Variants in USH1C observed in about 807,000 individuals in gnomAD.
The protein encoded by USH1C is harmonin.
Under a neutral mutation model 119.3 loss-of-function variants are expected in USH1C, and 90 were observed. That is an observed-to-expected ratio of 0.75 (90% CI 0.64 to 0.90). USH1C has a LOEUF of 0.90. Among genes scored for constraint, USH1C ranks in the 40% least tolerant of loss-of-function variants. USH1C has a pLI of 0.00. For missense variants in USH1C, 1,165 were observed against 1,167.7 expected, an observed-to-expected ratio of 1.00 and a Z score of 0.03; for synonymous variants, 465 against 443.3, an observed-to-expected ratio of 1.05 and a Z score of -0.62.
At chr11:17,494,504 A>C in intron 26 of USH1C, 128 bp from the exon 27 acceptor site, 1 of 1,075,854 alleles carries the variant, frequency 9.3e-7, no homozygotes. Flanking sequence ...CCCTTTGGAG[A>C]CCCCTCTGGG....
At chr11:17,517,462 A>G (rs1273707643) in intron 14 of USH1C, 1 of 1,593,430 alleles carries the variant, frequency 6.3e-7, no homozygotes, top group South Asian at 1.1e-5. Context: ...CTCAGGTTCC[A>G]CTCCCTGATC....
At chr11:17,497,394 C>G (rs1010422211) in intron 24 of USH1C, among the ~76,000 whole-genome samples, 2 of 152,164 alleles carry the variant, frequency 1.3e-5, no homozygotes, top group Non-Finnish European at 2.9e-5. Context: ...GCTGAAATCT[C>G]TCTCTCTTTC....
chr11:17,514,797 CTTTTT>C (rs57651457), intron 15 of USH1C, among the ~76,000 whole-genome samples: 5 of 138,906 alleles, frequency 3.6e-5, no homozygotes, highest in Admixed American at 7.1e-5. Flanking sequence ...AGAAGCAATT[CTTTTT>C]TTTTTTTTTT....
chr11:17,499,936 C>G (rs528146308), intron 23 of USH1C, among the ~76,000 whole-genome samples: 2 of 152,210 alleles, frequency 1.3e-5, no homozygotes, highest in East Asian at 1.9e-4. Context: ...TAGGGTCCCC[C>G]ACTCTGGCCT....
rs545423468 is a variant in USH1C, at chr11:17,529,509, A to T, written c.387+1645T>A. Among the ~76,000 whole-genome samples, 16 of 152,284 alleles carry T rather than the reference A, an allele frequency of 1.1e-4. No individual in the cohort carries two copies. In the South Asian group the frequency reaches 3.3e-3, roughly 32 times the overall value. On this transcript the variant is annotated intron_variant, in intron 4 of 26. Transcript: ENST00000005226. ...TCTTCCAGTTGCCCTCAGGCATGAGATCTCCCCAGAAGCATGAACCCCAGA... is the reference window on the plus strand; with the variant it reads ...TCTTCCAGTTGCCCTCAGGCATGAGTTCTCCCCAGAAGCATGAACCCCAGA...
chr11:17,499,746 T>C (rs1279800932), intron 23 of USH1C, among the ~76,000 whole-genome samples: 2 of 152,220 alleles, frequency 1.3e-5, no homozygotes, highest in African/African-American at 4.8e-5. Context: ...TGGACTTGTA[T>C]CCAGGGCTCC....
chr11:17,538,858 G>C (rs766322059), intron 1 of USH1C, among the ~76,000 whole-genome samples: 2 of 152,208 alleles, frequency 1.3e-5, no homozygotes, highest in South Asian at 4.1e-4. Context: ...TGCAGCTGCT[G>C]TCTGGGCCTC....
intron 14 of USH1C, 36 bp downstream of exon 14, chr11:17,520,834 T>A (rs1187549471): frequency 6.2e-7 from 1 of 1,613,668 alleles, no homozygotes; most frequent in Admixed American, 1.7e-5. Context: ...TTCTGACTAG[T>A]TCCCTTAGCC....
chr11:17,524,344 C>T, intron 9 of USH1C, 107 bp downstream of exon 9: 2 of 1,222,526 alleles, frequency 1.6e-6, no homozygotes. Context: ...CCTCAGTGTC[C>T]ACTGAAAGAG....
At chr11:17,536,796 C>T (rs1184862485) in intron 1 of USH1C, among the ~76,000 whole-genome samples, 1 of 152,230 alleles carries the variant, frequency 6.6e-6, no homozygotes, top group African/African-American at 2.4e-5. Context: ...TTCCATCTAC[C>T]GCCATGTCTG....
chr11:17,501,003 T>A, intron 23 of USH1C, 48 bp downstream of exon 23: 1 of 1,549,126 alleles, frequency 6.5e-7, no homozygotes, highest in Non-Finnish European at 8.9e-7. Flanking sequence ...GGGCCCCGTC[T>A]AACCACTGTA....
rs185779154 is a variant in USH1C at position 17,537,906 on chromosome 11, C to T, written c.37-4584G>A. Among the ~76,000 whole-genome samples, 471 of 152,332 alleles carry T rather than the reference C, an allele frequency of 3.1e-3. 1 individual carries two copies. Among genetic ancestry groups the T allele is most frequent in the African/African-American group, 0.011 (454 of 41,576 alleles). On this transcript the variant is annotated intron_variant, in intron 1 of 26. Coordinates refer to ENST00000005226, the MANE Select transcript of USH1C (RefSeq NM_153676.4). ...AGGAAACAGAGGCTCAGAGAAGTGA[C>T]AGAATTGAGACCCCAACCTATGCCT... is the stretch of plus-strand genomic sequence containing the variant.
chr11:17,495,349 A>AGT (rs1262978087), intron 26 of USH1C, among the ~76,000 whole-genome samples: 3 of 152,198 alleles, frequency 2.0e-5, no homozygotes, highest in African/African-American at 4.8e-5. Flanking sequence ...GTCCCAAGCA[A>AGT]GTACTACAGA....
At position 17,511,762 on chromosome 11, in the gene USH1C, G is replaced by C. The variant is rs902308920; in HGVS notation, c.1413+140C>G. The C allele has an allele frequency of 6.1e-6, 6 of 988,924 alleles. No homozygotes were observed. The African/African-American group carries it at 6.5e-5, about 11-fold the overall frequency. 61.3% of individuals were successfully genotyped at this position (988,924 alleles called of 1,614,324 possible). ...CAGGTGGCATGATCTCTCTCTCCAGGCTGGGGAGCAGGAAAGGGCTCACTC... is the reference window on the plus strand; with the variant it reads ...CAGGTGGCATGATCTCTCTCTCCAGCCTGGGGAGCAGGAAAGGGCTCACTC... On this transcript the variant is annotated intron_variant, in intron 16 of 26. Coordinates refer to ENST00000005226, the MANE Select transcript of USH1C (RefSeq NM_153676.4).
intron 14 of USH1C, chr11:17,517,507 C>T (rs1365667535): frequency 6.4e-7 from 1 of 1,563,586 alleles, no homozygotes; most frequent in South Asian, 1.2e-5. Context: ...AGCTGGTGAA[C>T]CAAAAGGGAC....
chr11:17,518,665 T>G (rs1850263416), intron 14 of USH1C, among the ~76,000 whole-genome samples: 2 of 152,160 alleles, frequency 1.3e-5, no homozygotes, highest in Non-Finnish European at 2.9e-5. Flanking sequence ...AGGCACATAA[T>G]TAGGATGAGT....
intron 11 of USH1C, 134 bp from the exon 12 acceptor site, chr11:17,523,060 A>T: frequency 6.4e-7 from 1 of 1,574,434 alleles, no homozygotes. Flanking sequence ...CCCTGACCCA[A>T]ACTTCTTGCT....
rs189045282 is a variant in USH1C at position 17,494,702 on chromosome 11, G to A, written c.2656-326C>T. ...CCACCCCAGAAGCCATGGTCTACCC[G>A]GCCAAGTGTCTTGGGAGCATGAGGC... On this transcript the variant is annotated intron_variant, in intron 26 of 26. Transcript: ENST00000005226. 205 of 421,066 alleles carry A rather than the reference G, an allele frequency of 4.9e-4. 1 individual carries two copies. Among genetic ancestry groups the A allele is most frequent in the African/African-American group, 2.8e-3 (138 of 49,678 alleles). The allele number at this position is 421,066 out of a possible 1,614,324, so 26.1% of individuals were successfully genotyped here. A position where few individuals can be genotyped will look rare whatever the true frequency, so the allele number is the denominator to read the frequency against.
At chr11:17,526,272 G>A in intron 8 of USH1C, 75 bp downstream of exon 8, 1 of 1,270,234 alleles carries the variant, frequency 7.9e-7, no homozygotes, top group Admixed American at 1.7e-5. Flanking sequence ...AAGTGGCAGT[G>A]AGGAAGGGGA....
Sources: allele counts gnomAD v4.1 joint callset (sites outside exome capture counted in the v4.1 genomes callset), GRCh38; gene constraint gnomAD v4.1.1; transcripts MANE v1.5; gene names NCBI Gene and HGNC (gene_info 2026-07-23, HGNC 2026-07-21).